CHRM5: variants seen among roughly 807,000 people sequenced by gnomAD.
CHRM5 encodes muscarinic acetylcholine receptor M5.
A neutral mutation model predicts 39.0 loss-of-function variants in CHRM5; 18 were observed. That is an observed-to-expected ratio of 0.46 (90% CI 0.32 to 0.68). The LOEUF (loss-of-function observed/expected upper bound fraction) is 0.68, where lower values mean the gene tolerates loss of function less well. CHRM5 is among the 30% of genes least tolerant of loss of function. The probability of loss-of-function intolerance (pLI) is 0.04; values close to 1 mark genes in which losing one functional copy is unlikely to be tolerated. For missense variants in CHRM5, 515 were observed against 651.1 expected (o/e 0.79, Z 2.28); for synonymous variants, 241 against 246.3 (o/e 0.98, Z 0.20).
intron 1 of CHRM5, among the ~76,000 whole-genome samples, chr15:33,973,832 C>A (rs1350528009): frequency 6.6e-6 from 1 of 152,168 alleles, no homozygotes; most frequent in Admixed American, 6.5e-5. Flanking sequence ...AGTTAATCAG[C>A]AGATGTGTTA....
chr15:33,976,775 T>C (rs1895906642), intron 1 of CHRM5, among the ~76,000 whole-genome samples: 1 of 152,152 alleles, frequency 6.6e-6, no homozygotes, highest in African/African-American at 2.4e-5. Context: ...ATTTTTAACA[T>C]AAATTTATTG....
At chr15:34,062,518 G>C in intron 2 of CHRM5, 125 bp from the exon 3 acceptor site, 1 of 529,114 alleles carries the variant, frequency 1.9e-6, no homozygotes, top group African/African-American at 2.1e-5. Flanking sequence ...TCGCACCACT[G>C]CACTCCAGCC....
At chr15:33,969,312 C>T (rs1471843936) in intron 1 of CHRM5, among the ~76,000 whole-genome samples, 162 bp downstream of exon 1, 2 of 151,898 alleles carry the variant, frequency 1.3e-5, no homozygotes, top group Non-Finnish European at 2.9e-5. Context: ...GCTGCATAAA[C>T]AAGTCACTCA....
intron 2 of CHRM5, among the ~76,000 whole-genome samples, chr15:34,055,875 A>G (rs969342529): frequency 6.6e-6 from 1 of 152,186 alleles, no homozygotes; most frequent in African/African-American, 2.4e-5. Context: ...CCCTTCTACA[A>G]TTTAACAAGA....
chr15:34,033,735 A>G (rs1397111161), intron 1 of CHRM5, among the ~76,000 whole-genome samples: 1 of 152,158 alleles, frequency 6.6e-6, no homozygotes, highest in Non-Finnish European at 1.5e-5. Flanking sequence ...AAATACAAGT[A>G]AAAAAGAATA....
chr15:33,978,019 A>C lies in CHRM5; in HGVS notation c.-408+8869A>C, dbSNP rs532527672. 5.8e-5 allele frequency among the ~76,000 whole-genome samples: 4 copies of C among 68,690 alleles called. No individual in the cohort carries two copies. The Middle Eastern group carries it at 0.024, about 409-fold the overall frequency. 45.1% of individuals were successfully genotyped at this position (68,690 alleles called of 152,430 possible). On this transcript the variant is annotated intron_variant, in intron 1 of 2. Transcript: ENST00000383263. The stretch of plus-strand genomic sequence containing the variant: ...AAGGAAGAGAGGAAGGGAGGGAGGG[A>C]GGGAGGGATGGAAGGATGGAGGAGG...
chr15:33,980,189 G>C (rs1314508456), intron 1 of CHRM5, among the ~76,000 whole-genome samples: 1 of 152,196 alleles, frequency 6.6e-6, no homozygotes, highest in Non-Finnish European at 1.5e-5. Flanking sequence ...ACACATTAAA[G>C]TATGTAAGTA....
At chr15:34,048,031 G>A (rs1298736650) in intron 2 of CHRM5, among the ~76,000 whole-genome samples, 2 of 115,620 alleles carry the variant, frequency 1.7e-5, no homozygotes, top group South Asian at 5.6e-4. Flanking sequence ...TCGTGTGTGT[G>A]TGTGTTTGTG....
At chr15:34,010,468 C>A (rs1567465127) in intron 1 of CHRM5, among the ~76,000 whole-genome samples, 1 of 152,042 alleles carries the variant, frequency 6.6e-6, no homozygotes, top group African/African-American at 2.4e-5. Context: ...CTATTTAAAG[C>A]CTTTTATGTT....
chr15:34,017,706 C>T (rs1308649416), intron 1 of CHRM5, among the ~76,000 whole-genome samples: 2 of 152,118 alleles, frequency 1.3e-5, no homozygotes, highest in African/African-American at 4.8e-5. Context: ...TCTCGAACTC[C>T]TGACCTCAAG....
At chr15:34,016,500 TC>T (rs147738678) in intron 1 of CHRM5, among the ~76,000 whole-genome samples, 3,042 of 152,112 alleles carry the variant, frequency 0.02, 96 homozygotes, top group African/African-American at 0.07. Context: ...TTTCCCCCTT[TC>T]CCTTCATACC....
intron 1 of CHRM5, among the ~76,000 whole-genome samples, chr15:34,006,691 CA>C (rs1897359711): frequency 6.6e-6 from 1 of 152,160 alleles, no homozygotes; most frequent in South Asian, 2.1e-4. Context: ...CACCAGTCCC[CA>C]AATTAGAAGA....
At chr15:34,041,045 T>A (rs1899454499) in intron 1 of CHRM5, among the ~76,000 whole-genome samples, 1 of 151,986 alleles carries the variant, frequency 6.6e-6, no homozygotes, top group Admixed American at 6.6e-5. Flanking sequence ...ATCCACACAT[T>A]AATCTCAAAC....
At chr15:34,011,956 T>G (rs1240192599) in intron 1 of CHRM5, among the ~76,000 whole-genome samples, 1 of 152,236 alleles carries the variant, frequency 6.6e-6, no homozygotes, top group Non-Finnish European at 1.5e-5. Flanking sequence ...AACTACAGTT[T>G]GTGGAGGTCC....
At chr15:34,043,921 T>C (rs1597384056) in intron 1 of CHRM5, among the ~76,000 whole-genome samples, 1 of 152,228 alleles carries the variant, frequency 6.6e-6, no homozygotes, top group East Asian at 1.9e-4. Context: ...GGGGTCTCTG[T>C]CCCAGTCCAA....
At chr15:34,011,133 A>G (rs1432952186) in intron 1 of CHRM5, among the ~76,000 whole-genome samples, 1 of 152,104 alleles carries the variant, frequency 6.6e-6, no homozygotes, top group East Asian at 1.9e-4. Flanking sequence ...TCAAGGCTGC[A>G]GTAAGCTATG....
At chr15:34,042,072 G>A (rs1418395839) in intron 1 of CHRM5, among the ~76,000 whole-genome samples, 3 of 152,100 alleles carry the variant, frequency 2.0e-5, no homozygotes, top group East Asian at 1.9e-4. Flanking sequence ...ACAAGGATAC[G>A]GTATATGCTG....
intron 1 of CHRM5, among the ~76,000 whole-genome samples, chr15:33,972,708 C>A (rs963925235): frequency 1.3e-5 from 2 of 152,040 alleles, no homozygotes; most frequent in Admixed American, 1.3e-4. Flanking sequence ...ATATACAGAC[C>A]TCTTTTTGTA....
At chr15:34,035,559 G>T (rs1289854065) in intron 1 of CHRM5, among the ~76,000 whole-genome samples, 2 of 152,030 alleles carry the variant, frequency 1.3e-5, no homozygotes, top group Non-Finnish European at 2.9e-5. Flanking sequence ...ATATTAAAAA[G>T]TTATTTCACC....
Sources: gnomAD v4.1 joint callset for allele counts (sites outside exome capture counted in the v4.1 genomes callset) on GRCh38, gnomAD v4.1.1 for gene constraint, MANE v1.5 for transcripts, NCBI Gene and HGNC (gene_info 2026-07-23, HGNC 2026-07-21) for gene names.